Variants in PIK3C2G observed in about 807,000 individuals in gnomAD.
PIK3C2G encodes phosphatidylinositol-4-phosphate 3-kinase catalytic subunit type 2 gamma.
PIK3C2G carries 168 observed loss-of-function variants against 181.1 expected under a neutral mutation model. The observed-to-expected ratio is 0.93, with a 90% confidence interval of 0.82 to 1.05. The LOEUF (loss-of-function observed/expected upper bound fraction) is 1.05, where lower values mean the gene tolerates loss of function less well. PIK3C2G is among the 50% of genes least tolerant of loss of function. PIK3C2G has a pLI of 0.00. For missense variants in PIK3C2G, 1,869 were observed against 1,732.8 expected (o/e 1.08, Z -1.40); for synonymous variants, 573 against 592.2 (o/e 0.97, Z 0.47).
Position 18,537,811 on chromosome 12 carries a change from G to A in PIK3C2G, c.3324-345G>A, listed in dbSNP as rs59444480. 7.2e-3 allele frequency among the ~76,000 whole-genome samples: 1,097 copies of A among 151,988 alleles called. 12 individuals are homozygous for A. The highest frequency in any genetic ancestry group is 0.026 in the African/African-American group (1,059 of 41,506). On this transcript the variant is annotated intron_variant, in intron 24 of 32. Coordinates refer to ENST00000538779, the MANE Select transcript of PIK3C2G (RefSeq NM_001288772.2). The stretch of plus-strand genomic sequence containing the variant: ...ATCATATCAAAATTTAGCAGAAAAT[G>A]TACTTTTTATAAAGACTCTATAAAT...
chr12:18,468,241 A>G (rs1285176866), intron 18 of PIK3C2G, among the ~76,000 whole-genome samples: 1 of 152,024 alleles, frequency 6.6e-6, no homozygotes, highest in African/African-American at 2.4e-5. Flanking sequence ...TACTCTCACA[A>G]GAACTGAGAT....
intron 24 of PIK3C2G, among the ~76,000 whole-genome samples, chr12:18,517,433 G>A (rs7960956): frequency 0.4 from 60,332 of 151,952 alleles, 12,351 homozygotes; most frequent in East Asian, 0.54. Context: ...AGTTTTCCTT[G>A]AAGAGGTCCT....
chr12:18,259,964 C>G (rs996318190), upstream of PIK3C2G, among the ~76,000 whole-genome samples: 10 of 152,060 alleles, frequency 6.6e-5, no homozygotes, highest in African/African-American at 2.4e-4. Flanking sequence ...AAAAGTGCTA[C>G]TAAAATAGGT....
At chr12:18,724,185 A>G in the PIK3C2G span, among the ~76,000 whole-genome samples, 116 of 152,266 alleles carry the variant, frequency 7.6e-4, 1 homozygote, top group Non-Finnish European at 7.4e-5. Flanking sequence ...TGCATTTCCA[A>G]TTGGAAGAGT....
At chr12:18,309,189 T>C (rs1042236040) in intron 5 of PIK3C2G, among the ~76,000 whole-genome samples, 3 of 151,798 alleles carry the variant, frequency 2.0e-5, no homozygotes, top group African/African-American at 7.2e-5. Context: ...TGGTCTGTCT[T>C]GCCCTATTGA....
intron 11 of PIK3C2G, among the ~76,000 whole-genome samples, chr12:18,347,073 C>A (rs536625433): frequency 1.4e-4 from 21 of 152,218 alleles, no homozygotes; most frequent in African/African-American, 5.1e-4. Flanking sequence ...GCCAATATAT[C>A]GTTATGGAAA....
At chr12:18,304,533 A>T (rs1950340248) in intron 5 of PIK3C2G, among the ~76,000 whole-genome samples, 1 of 152,232 alleles carries the variant, frequency 6.6e-6, no homozygotes, top group Non-Finnish European at 1.5e-5. Flanking sequence ...CTGGGATTAC[A>T]GGCGTGAGCT....
chr12:18,510,576 G>A (rs564825414), intron 24 of PIK3C2G, among the ~76,000 whole-genome samples: 5 of 151,982 alleles, frequency 3.3e-5, no homozygotes, highest in South Asian at 2.1e-4. Flanking sequence ...ATGGCCTTTC[G>A]CTTTGCTGAT....
chr12:18,370,141 G>A (rs538583884), intron 12 of PIK3C2G, among the ~76,000 whole-genome samples: 1 of 151,662 alleles, frequency 6.6e-6, no homozygotes, highest in Admixed American at 6.5e-5. Context: ...AAGAATGAAA[G>A]GTAGATGTCT....
At chr12:18,321,331 A>C (rs750158416) in intron 7 of PIK3C2G, among the ~76,000 whole-genome samples, 5 of 152,180 alleles carry the variant, frequency 3.3e-5, no homozygotes, top group Non-Finnish European at 7.4e-5. Context: ...TTGGGTTTGC[A>C]TATGTCACTT....
intron 31 of PIK3C2G, among the ~76,000 whole-genome samples, chr12:18,632,005 T>G (rs932177871): frequency 6.6e-6 from 1 of 152,106 alleles, no homozygotes; most frequent in African/African-American, 2.4e-5. Context: ...TGACATTTAA[T>G]GATGTTTGAA....
intron 11 of PIK3C2G, among the ~76,000 whole-genome samples, chr12:18,357,032 A>C (rs1282444907): frequency 6.6e-6 from 1 of 152,086 alleles, no homozygotes; most frequent in Non-Finnish European, 1.5e-5. Context: ...ATCAATACCA[A>C]ACTCTTTCAT....
At chr12:18,655,299 C>T in the PIK3C2G span, among the ~76,000 whole-genome samples, 1 of 152,062 alleles carries the variant, frequency 6.6e-6, no homozygotes, top group Non-Finnish European at 1.5e-5. Context: ...GACACAGGAG[C>T]CAACTGAAAG....
At chr12:18,670,662 A>C in the PIK3C2G span, among the ~76,000 whole-genome samples, 1 of 152,176 alleles carries the variant, frequency 6.6e-6, no homozygotes, top group Admixed American at 6.5e-5. Context: ...TGTCTCTATT[A>C]CTATTATCAT....
chr12:18,558,975 A>T (rs1253521908), intron 26 of PIK3C2G, among the ~76,000 whole-genome samples: 1 of 152,148 alleles, frequency 6.6e-6, no homozygotes, highest in Non-Finnish European at 1.5e-5. Context: ...AGTACCTGGC[A>T]TACAATAGGA....
At chr12:18,542,304 G>C (rs572238138) in intron 25 of PIK3C2G, among the ~76,000 whole-genome samples, 11 of 151,968 alleles carry the variant, frequency 7.2e-5, no homozygotes, top group African/African-American at 2.2e-4. Flanking sequence ...TATCGGGAAT[G>C]TGTCTTCCTA....
At chr12:18,571,564 TC>T (rs1945943402) in intron 29 of PIK3C2G, among the ~76,000 whole-genome samples, 1 of 150,912 alleles carries the variant, frequency 6.6e-6, no homozygotes, top group Non-Finnish European at 1.5e-5. Flanking sequence ...GTTATATTTT[TC>T]CCATTATATT....
At chr12:18,719,651 A>AG in the PIK3C2G span, 1 of 1,535,132 alleles carries the variant, frequency 6.5e-7, no homozygotes. Context: ...ATAAAATAAA[A>AG]TAAGTTAAAA....
intron 18 of PIK3C2G, among the ~76,000 whole-genome samples, chr12:18,447,032 T>C (rs1360430201): frequency 2.6e-5 from 4 of 152,212 alleles, no homozygotes; most frequent in Non-Finnish European, 4.4e-5. Flanking sequence ...CTTCTGTTTC[T>C]TCCCACTGCT....
Sources: gnomAD v4.1 joint callset for allele counts (sites outside exome capture counted in the v4.1 genomes callset) on GRCh38, gnomAD v4.1.1 for gene constraint, MANE v1.5 for transcripts, NCBI Gene and HGNC (gene_info 2026-07-23, HGNC 2026-07-21) for gene names.